The following ERBB4 variants were observed in gnomAD, a reference collection of about 807,000 sequenced individuals.
ERBB4 encodes the protein erb-b2 receptor tyrosine kinase 4.
In ERBB4, 42 loss-of-function variants were observed where a neutral mutation model predicts 158.0. The observed-to-expected ratio is 0.27, with a 90% CI of 0.21 to 0.34. The LOEUF (loss-of-function observed/expected upper bound fraction) is 0.34. Ranked by LOEUF, ERBB4 falls within the 10% of genes least tolerant of loss-of-function variation. The pLI, the probability that ERBB4 is intolerant of heterozygous loss-of-function variation, is 1.00. For missense variants in ERBB4, 1,333 were observed against 1,624.1 expected (o/e 0.82, Z 3.08); for synonymous variants, 583 against 558.7 (o/e 1.04, Z -0.61).
chr2:211,801,874 T>C (rs1160493159), intron 3 of ERBB4, among the ~76,000 whole-genome samples: 2 of 152,170 alleles, frequency 1.3e-5, no homozygotes, highest in Non-Finnish European at 1.5e-5. Flanking sequence ...GAATCTTACA[T>C]AGAAAATTAA....
chr2:211,648,825 T>G (rs2070875226), intron 16 of ERBB4, among the ~76,000 whole-genome samples: 1 of 151,778 alleles, frequency 6.6e-6, no homozygotes, highest in African/African-American at 2.4e-5. Flanking sequence ...TGTCTTTTAT[T>G]TTATTTTAGT....
At chr2:211,886,425 T>C (rs981179923) in intron 3 of ERBB4, among the ~76,000 whole-genome samples, 2 of 152,096 alleles carry the variant, frequency 1.3e-5, no homozygotes, top group Non-Finnish European at 2.9e-5. Context: ...AAAATATTCA[T>C]TGAAATAAAA....
chr2:211,919,983 A>G (rs1036055497), intron 3 of ERBB4, among the ~76,000 whole-genome samples: 3 of 152,024 alleles, frequency 2.0e-5, no homozygotes, highest in Non-Finnish European at 4.4e-5. Flanking sequence ...TCCATCTCAC[A>G]TATGACCCCT....
At chr2:211,672,974 T>C (rs549805908) in intron 14 of ERBB4, among the ~76,000 whole-genome samples, 190 bp downstream of exon 14, 1 of 152,236 alleles carries the variant, frequency 6.6e-6, no homozygotes, top group Non-Finnish European at 1.5e-5. Context: ...AGAATAAATA[T>C]GTATGACATC....
chr2:211,720,433 A>G (rs920445301), intron 7 of ERBB4, among the ~76,000 whole-genome samples: 1 of 152,208 alleles, frequency 6.6e-6, no homozygotes, highest in African/African-American at 2.4e-5. Context: ...GGCAAACTCA[A>G]TGATGAATTT....
chr2:212,243,961 T>G (rs1319547203), intron 1 of ERBB4, among the ~76,000 whole-genome samples: 1 of 152,140 alleles, frequency 6.6e-6, no homozygotes, highest in African/African-American at 2.4e-5. Context: ...TTGAAAACAT[T>G]AGAATGGAAT....
intron 20 of ERBB4, among the ~76,000 whole-genome samples, chr2:211,516,897 G>C (rs2066048849): frequency 6.6e-6 from 1 of 152,046 alleles, no homozygotes; most frequent in Non-Finnish European, 1.5e-5. Context: ...ATCCTTCTCA[G>C]GCACAGGGAT....
At chr2:212,115,732 C>G (rs1351917503) in intron 2 of ERBB4, among the ~76,000 whole-genome samples, 1 of 152,232 alleles carries the variant, frequency 6.6e-6, no homozygotes, top group East Asian at 1.9e-4. Flanking sequence ...TAGTCTCAAA[C>G]TCCTGGGCTC....
chr2:212,246,576 G>A (rs1485568581), intron 1 of ERBB4, among the ~76,000 whole-genome samples: 1 of 152,158 alleles, frequency 6.6e-6, no homozygotes, highest in Non-Finnish European at 1.5e-5. Flanking sequence ...CAAAATACAA[G>A]TTAGAAAGAG....
chr2:211,744,510 C>T (rs984682223), intron 5 of ERBB4, among the ~76,000 whole-genome samples: 2 of 152,196 alleles, frequency 1.3e-5, no homozygotes, highest in Admixed American at 6.5e-5. Context: ...CCCTGAAGCT[C>T]ACTGTTGTTG....
intron 1 of ERBB4, among the ~76,000 whole-genome samples, chr2:212,268,201 T>C (rs552944810): frequency 1.1e-3 from 171 of 152,042 alleles, no homozygotes; most frequent in African/African-American, 4.0e-3. Flanking sequence ...TTCACTGCAA[T>C]TCTCTGTATG....
intron 2 of ERBB4, among the ~76,000 whole-genome samples, chr2:212,038,352 T>A (rs925955653): frequency 6.6e-6 from 1 of 152,104 alleles, no homozygotes; most frequent in African/African-American, 2.4e-5. Context: ...CTAACAACTT[T>A]ATAATTCTAG....
chr2:211,674,864 A>AT, intron 13 of ERBB4, among the ~76,000 whole-genome samples: 1 of 152,260 alleles, frequency 6.6e-6, no homozygotes, highest in Admixed American at 6.5e-5. Context: ...TGTAGTTTTC[A>AT]TATTACTAGA....
chr2:212,090,353 G>C (rs966576120), intron 2 of ERBB4, among the ~76,000 whole-genome samples: 8 of 152,062 alleles, frequency 5.3e-5, no homozygotes, highest in Non-Finnish European at 1.2e-4. Context: ...TCTTTAACTT[G>C]TAGGAGTTGT....
At chr2:212,371,017 C>A (rs2090066615) in intron 1 of ERBB4, among the ~76,000 whole-genome samples, 1 of 152,100 alleles carries the variant, frequency 6.6e-6, no homozygotes, top group Non-Finnish European at 1.5e-5. Flanking sequence ...CTCAAGATGA[C>A]TAACTGGATA....
intron 1 of ERBB4, among the ~76,000 whole-genome samples, chr2:212,171,419 G>A (rs1430827104): frequency 1.3e-5 from 2 of 151,894 alleles, no homozygotes; most frequent in Non-Finnish European, 2.9e-5. Flanking sequence ...ATGCTGGAAT[G>A]AATTAAGACT....
chr2:211,697,274 T>C (rs2073062931), intron 12 of ERBB4, among the ~76,000 whole-genome samples: 1 of 152,146 alleles, frequency 6.6e-6, no homozygotes, highest in African/African-American at 2.4e-5. Flanking sequence ...ATAAATTATT[T>C]TGGATCCATA....
chr2:211,719,085 C>T (rs1336222461), intron 7 of ERBB4, among the ~76,000 whole-genome samples: 1 of 152,136 alleles, frequency 6.6e-6, no homozygotes, highest in Non-Finnish European at 1.5e-5. Flanking sequence ...TTTATAAACT[C>T]CCATGACTTC....
chr2:211,377,669 T>C lies in ERBB4; in HGVS notation c.*5946A>G. 4.3e-6 allele frequency: 1 copy of C among 232,468 alleles called. No homozygotes were observed. The highest frequency in any genetic ancestry group is 6.1e-5 in the East Asian group (1 of 16,444). 14.4% of individuals were successfully genotyped at this position (232,468 alleles called of 1,614,324 possible). On this transcript the variant is annotated 3_prime_UTR_variant, in exon 28 of 28. Transcript: ENST00000342788. ...AAAAATTTACAGCAGCTACAAAATA[T>C]TTACGATTAGGAACCAAATAAGATG...
Sources: gnomAD v4.1 joint callset for allele counts (sites outside exome capture counted in the v4.1 genomes callset) on GRCh38, gnomAD v4.1.1 for gene constraint, MANE v1.5 for transcripts, NCBI Gene and HGNC (gene_info 2026-07-23, HGNC 2026-07-21) for gene names.